TRPS1: variants seen among roughly 807,000 people sequenced by gnomAD.
TRPS1 encodes the protein transcriptional repressor GATA binding 1, also known as zinc finger transcription factor Trps1.
In TRPS1, 6 loss-of-function variants were observed where a neutral mutation model predicts 101.2. The observed-to-expected ratio is 0.06, with a 90% CI of 0.03 to 0.12. The LOEUF is 0.12. Ranked by LOEUF, TRPS1 falls within the 10% of genes least tolerant of loss-of-function variation. The pLI is 1.00. For missense variants in TRPS1, 1,363 were observed against 1,567.0 expected (o/e 0.87, Z 2.20); for synonymous variants, 578 against 589.8 (o/e 0.98, Z 0.29).
At chr8:115,650,275 A>AT (rs1198435768) in intron 1 of TRPS1, among the ~76,000 whole-genome samples, 8 of 152,368 alleles carry the variant, frequency 5.3e-5, no homozygotes, top group African/African-American at 1.9e-4. Flanking sequence ...GCTTACAGAC[A>AT]TAAGGTGACA....
intron 5 of TRPS1, among the ~76,000 whole-genome samples, chr8:115,459,147 C>T (rs1447559755): frequency 1.3e-5 from 2 of 152,074 alleles, no homozygotes; most frequent in Non-Finnish European, 2.9e-5. Flanking sequence ...ACCATCCTGG[C>T]TAACACGGTG....
chr8:115,611,405 C>A (rs1818160890), intron 3 of TRPS1, among the ~76,000 whole-genome samples: 1 of 152,142 alleles, frequency 6.6e-6, no homozygotes, highest in Non-Finnish European at 1.5e-5. Flanking sequence ...CTACTATGTG[C>A]CAAGCACTGG....
intron 5 of TRPS1, among the ~76,000 whole-genome samples, chr8:115,452,615 CG>C (rs761513116): frequency 6.6e-6 from 1 of 152,038 alleles, no homozygotes; most frequent in Non-Finnish European, 1.5e-5. Flanking sequence ...TGTTGTAGAG[CG>C]GGGCAAAGGC....
At chr8:115,578,279 T>G (rs957419874) in intron 5 of TRPS1, among the ~76,000 whole-genome samples, 4 of 152,160 alleles carry the variant, frequency 2.6e-5, no homozygotes, top group African/African-American at 9.7e-5. Flanking sequence ...CCCACGCATT[T>G]TTTATAAGCC....
chr8:115,551,793 T>C (rs992114973), intron 5 of TRPS1, among the ~76,000 whole-genome samples: 1 of 152,220 alleles, frequency 6.6e-6, no homozygotes, highest in Non-Finnish European at 1.5e-5. Flanking sequence ...AAGGCGGAAG[T>C]AAAATGCATT....
At chr8:115,664,197 ATTTAC>A (rs1053195633) in intron 1 of TRPS1, among the ~76,000 whole-genome samples, 22 of 152,084 alleles carry the variant, frequency 1.4e-4, no homozygotes, top group Non-Finnish European at 2.5e-4. Flanking sequence ...ATTTTAGCTT[ATTTAC>A]TTTAATCCAC....
chr8:115,433,446 GT>G (rs1381162820), intron 5 of TRPS1, among the ~76,000 whole-genome samples: 1 of 151,968 alleles, frequency 6.6e-6, no homozygotes, highest in African/African-American at 2.4e-5. Flanking sequence ...ATAATATTTA[GT>G]TTGATTTAAT....
chr8:115,459,426 C>G (rs1434489065), intron 5 of TRPS1, among the ~76,000 whole-genome samples: 2 of 151,950 alleles, frequency 1.3e-5, no homozygotes, highest in Non-Finnish European at 2.9e-5. Context: ...TCTGAAGTTC[C>G]AATTGTTGAT....
At chr8:115,653,110 G>C (rs1811599006) in intron 1 of TRPS1, among the ~76,000 whole-genome samples, 1 of 152,154 alleles carries the variant, frequency 6.6e-6, no homozygotes, top group African/African-American at 2.4e-5. Flanking sequence ...GCAATGCCAA[G>C]AGTACATGGA....
At chr8:115,658,463 TC>T (rs1811724673) in intron 1 of TRPS1, among the ~76,000 whole-genome samples, 1 of 152,050 alleles carries the variant, frequency 6.6e-6, no homozygotes, top group African/African-American at 2.4e-5. Flanking sequence ...AGTATCCTAG[TC>T]CCCCTTCTGT....
intron 3 of TRPS1, among the ~76,000 whole-genome samples, chr8:115,609,556 C>G (rs1818116441): frequency 6.6e-6 from 1 of 152,154 alleles, no homozygotes; most frequent in African/African-American, 2.4e-5. Context: ...TCGCTGGCCA[C>G]AGTACTTCAT....
At chr8:115,601,616 C>T (rs1193848571) in intron 4 of TRPS1, among the ~76,000 whole-genome samples, 1 of 152,134 alleles carries the variant, frequency 6.6e-6, no homozygotes, top group Non-Finnish European at 1.5e-5. Context: ...TATTTTAATG[C>T]CCTATGGACA....
chr8:115,432,732 TA>T (rs1170909474), intron 5 of TRPS1, among the ~76,000 whole-genome samples: 1 of 151,884 alleles, frequency 6.6e-6, no homozygotes, highest in Non-Finnish European at 1.5e-5. Context: ...TAGTGCAGGA[TA>T]AAAAAATAGA....
intron 5 of TRPS1, among the ~76,000 whole-genome samples, chr8:115,471,086 A>G (rs374714939): frequency 1.3e-5 from 2 of 152,214 alleles, no homozygotes; most frequent in East Asian, 3.9e-4. Context: ...GTGTGATGCA[A>G]TTTCATGGGG....
chr8:115,639,043 A>C (rs1295758300), intron 1 of TRPS1, among the ~76,000 whole-genome samples: 1 of 152,118 alleles, frequency 6.6e-6, no homozygotes, highest in Non-Finnish European at 1.5e-5. Flanking sequence ...GCACAGATCA[A>C]TTCAATCACT....
At chr8:115,550,572 T>G (rs1055752117) in intron 5 of TRPS1, among the ~76,000 whole-genome samples, 1 of 152,152 alleles carries the variant, frequency 6.6e-6, no homozygotes, top group African/African-American at 2.4e-5. Context: ...TAAATTGGAG[T>G]TGATCAATCT....
chr8:115,475,151 C>T (rs1814567912), intron 5 of TRPS1, among the ~76,000 whole-genome samples: 1 of 151,370 alleles, frequency 6.6e-6, no homozygotes, highest in African/African-American at 2.4e-5. Context: ...ATTTTATAAA[C>T]TTTTCTTGCC....
intron 5 of TRPS1, among the ~76,000 whole-genome samples, chr8:115,538,766 G>C (rs989803189): frequency 6.6e-6 from 1 of 152,028 alleles, no homozygotes; most frequent in South Asian, 2.1e-4. Context: ...TGAGAGACAA[G>C]AAGACAACTC....
chr8:115,616,272 T>C (rs1818274522), intron 3 of TRPS1, among the ~76,000 whole-genome samples: 1 of 152,232 alleles, frequency 6.6e-6, no homozygotes, highest in Non-Finnish European at 1.5e-5. Context: ...ATTTGTGATC[T>C]AATTTATACA....
Sources: gnomAD v4.1 joint callset for allele counts (sites outside exome capture counted in the v4.1 genomes callset) on GRCh38, gnomAD v4.1.1 for gene constraint, MANE v1.5 for transcripts, NCBI Gene and HGNC (gene_info 2026-07-23, HGNC 2026-07-21) for gene names.